Variants in CARMIL1 observed in about 807,000 individuals in gnomAD.
CARMIL1 encodes the protein F-actin-uncapping protein LRRC16A.
Under a neutral mutation model 177.1 loss-of-function variants are expected in CARMIL1, and 90 were observed. The observed-to-expected ratio is 0.51, with a 90% CI of 0.43 to 0.61. CARMIL1 has a LOEUF of 0.61. CARMIL1 is among the 20% of genes least tolerant of loss of function. The pLI is 0.00. For synonymous variants in CARMIL1, 577 were observed against 606.2 expected (o/e 0.95, Z 0.71); for missense variants, 1,380 against 1,667.0 (o/e 0.83, Z 3.00).
At chr6:25,468,625 C>A (rs977423425) in intron 9 of CARMIL1, among the ~76,000 whole-genome samples, 1 of 152,172 alleles carries the variant, frequency 6.6e-6, no homozygotes, top group Admixed American at 6.5e-5. Flanking sequence ...TACTTAGTAG[C>A]TAGGTTTGAG....
chr6:25,447,045 T>C (rs1798302211), intron 5 of CARMIL1, among the ~76,000 whole-genome samples: 2 of 152,128 alleles, frequency 1.3e-5, no homozygotes, highest in Admixed American at 6.5e-5. Flanking sequence ...AAAACAGATA[T>C]TATAATAATG....
chr6:25,448,697 G>A (rs1476964946), intron 5 of CARMIL1, among the ~76,000 whole-genome samples: 2 of 152,152 alleles, frequency 1.3e-5, no homozygotes, highest in African/African-American at 4.8e-5. Flanking sequence ...GTTTCTCACA[G>A]TAGACTGCTA....
Position 25,515,770 on chromosome 6 carries a change from G to A in CARMIL1, c.1728G>A (p.Val576=), listed in dbSNP as rs756983221. ...GAAGCAACACCTCCCTGACCAAAGTGGACATTAGCGGCAACGGAATGGGGG... is the reference window on the plus strand; with the variant it reads ...GAAGCAACACCTCCCTGACCAAAGTAGACATTAGCGGCAACGGAATGGGGG... The part of the protein sequence containing the change: ...ALGSNTSLTK[V]DISGNGMGDM... The change falls in exon 21 of 37, where the codon GTG becomes GTA. Residue 576 remains valine, a synonymous_variant. Transcript: ENST00000329474. The surrounding 1 kb of genome is among the most constrained non-coding windows in gnomAD (Gnocchi z 5.0). 6.2e-7 allele frequency: 1 copy of A among 1,611,888 alleles called. No individual in the cohort carries two copies. The highest frequency in any genetic ancestry group is 1.3e-5 in the African/African-American group (1 of 74,876).
intron 10 of CARMIL1, among the ~76,000 whole-genome samples, chr6:25,471,773 A>AT (rs1801123386): frequency 1.3e-5 from 2 of 151,988 alleles, no homozygotes; most frequent in African/African-American, 2.4e-5. Context: ...AGTTTTAGTC[A>AT]TTTTTTCTCC....
At chr6:25,317,178 G>A (rs974823550) in intron 2 of CARMIL1, among the ~76,000 whole-genome samples, 3 of 152,140 alleles carry the variant, frequency 2.0e-5, no homozygotes, top group African/African-American at 7.2e-5. Context: ...GTCTCAGTCT[G>A]TTGCCCAGGC....
At chr6:25,605,013 T>G in intron 34 of CARMIL1, 120 bp downstream of exon 34, 1 of 734,624 alleles carries the variant, frequency 1.4e-6, no homozygotes, top group Non-Finnish European at 2.2e-6. Flanking sequence ...CTTTGTTGTG[T>G]GTTCTCAGCT....
chr6:25,305,303 T>G (rs1581505390), intron 2 of CARMIL1, among the ~76,000 whole-genome samples: 1 of 152,176 alleles, frequency 6.6e-6, no homozygotes, highest in Non-Finnish European at 1.5e-5. Flanking sequence ...CCAGGAATAT[T>G]GTGAGAGTAA....
At chr6:25,497,094 G>A (rs1803805790) in intron 16 of CARMIL1, among the ~76,000 whole-genome samples, 1 of 152,098 alleles carries the variant, frequency 6.6e-6, no homozygotes, top group Non-Finnish European at 1.5e-5. Flanking sequence ...TTTTAATATG[G>A]GGAGAAAGCC....
intron 2 of CARMIL1, among the ~76,000 whole-genome samples, chr6:25,323,514 C>T (rs1298668467): frequency 2.6e-5 from 4 of 151,500 alleles, no homozygotes; most frequent in East Asian, 1.9e-4. Context: ...GAGGCTGAGG[C>T]GGGAGGATTG....
intron 2 of CARMIL1, among the ~76,000 whole-genome samples, chr6:25,293,300 G>GT (rs1335889725): frequency 2.8e-5 from 4 of 141,738 alleles, no homozygotes; most frequent in South Asian, 2.2e-4. Flanking sequence ...GTGTGTGTGT[G>GT]TGTGTTTTGT....
At chr6:25,567,460 G>A (rs1811658709) in intron 29 of CARMIL1, among the ~76,000 whole-genome samples, 1 of 152,214 alleles carries the variant, frequency 6.6e-6, no homozygotes, top group Admixed American at 6.5e-5. Context: ...TGGGGTAGAG[G>A]ACTCTGCCCC....
chr6:25,455,873 A>G (rs1799472266), intron 8 of CARMIL1, among the ~76,000 whole-genome samples: 1 of 152,218 alleles, frequency 6.6e-6, no homozygotes, highest in Non-Finnish European at 1.5e-5. Context: ...TCTGAAGCAC[A>G]GAGATGGAGG....
rs552889542 is a variant in CARMIL1, at chr6:25,326,637, A to G, written c.138+41728A>G. On this transcript the variant is annotated intron_variant, in intron 2 of 36. Transcript: ENST00000329474. The surrounding 1 kb of genome is among the most constrained non-coding windows in gnomAD (Gnocchi z 4.2). The stretch of plus-strand genomic sequence containing the variant: ...GATTCAGAACCTGGAGGTGGGACTC[A>G]GCAATCTGCTTTAACAAGTCCTTTG... Among the ~76,000 whole-genome samples, 5 of 152,294 alleles carry G rather than the reference A, an allele frequency of 3.3e-5. No individual in the cohort carries two copies. Among genetic ancestry groups the G allele is most frequent in the African/African-American group, 1.2e-4 (5 of 41,564 alleles).
rs34651019 is a variant in CARMIL1 at position 25,596,850 on chromosome 6, GAC to G, written c.3119+2350_3119+2351del. Reference sequence around the variant, plus strand: ...TGTATACTCTGTCACCAAACACACAGACACACACACACACACACACACACACA... The same window carrying G: ...TGTATACTCTGTCACCAAACACACAGACACACACACACACACACACACACA... On this transcript the variant is annotated intron_variant, in intron 32 of 36. Coordinates refer to ENST00000329474, the MANE Select transcript of CARMIL1 (RefSeq NM_017640.6). 2.6e-3 allele frequency among the ~76,000 whole-genome samples: 395 copies of G among 149,072 alleles called. 1 individual carries two copies. The highest frequency in any genetic ancestry group is 0.016 in the East Asian group (80 of 5,076).
intron 2 of CARMIL1, among the ~76,000 whole-genome samples, chr6:25,287,825 G>T (rs1781635021): frequency 6.6e-6 from 1 of 152,212 alleles, no homozygotes. Context: ...TTTGTTCCAT[G>T]GTTGCTGACT....
intron 2 of CARMIL1, among the ~76,000 whole-genome samples, chr6:25,417,117 T>G (rs1044611068): frequency 3.3e-5 from 5 of 152,164 alleles, no homozygotes; most frequent in African/African-American, 1.2e-4. Context: ...AGAGGGGTCA[T>G]ATCCTGGGGC....
At chr6:25,358,561 C>T (rs370879903) in intron 2 of CARMIL1, among the ~76,000 whole-genome samples, 1 of 152,064 alleles carries the variant, frequency 6.6e-6, no homozygotes, top group Non-Finnish European at 1.5e-5. Context: ...TATACTTAAA[C>T]ATTGCAATAC....
chr6:25,327,142 T>C (rs764842622), intron 2 of CARMIL1, among the ~76,000 whole-genome samples: 8 of 115,504 alleles, frequency 6.9e-5, no homozygotes, highest in Non-Finnish European at 1.4e-4. Flanking sequence ...TTTAAAGCAA[T>C]TGAAATAGGT....
At chr6:25,588,617 T>TA (rs764657729) in intron 31 of CARMIL1, among the ~76,000 whole-genome samples, 49 of 152,374 alleles carry the variant, frequency 3.2e-4, no homozygotes, top group Non-Finnish European at 6.5e-4. Context: ...GGCATGCTTA[T>TA]ACTCACTCAT....
Sources: allele counts gnomAD v4.1 joint callset (sites outside exome capture counted in the v4.1 genomes callset), GRCh38; gene constraint gnomAD v4.1.1; non-coding constraint Gnocchi (gnomAD v3.1); transcripts MANE v1.5; gene names NCBI Gene and HGNC (gene_info 2026-07-23, HGNC 2026-07-21).